ABCC4: variants seen among roughly 807,000 people sequenced by gnomAD.
ABCC4 encodes ATP-binding cassette sub-family C member 4.
ABCC4 carries 102 observed loss-of-function variants against 168.5 expected under a neutral mutation model. The ratio of observed to expected loss-of-function variants is 0.61; its 90% CI spans 0.52 to 0.71. The LOEUF (loss-of-function observed/expected upper bound fraction) is 0.71. Among genes scored for constraint, ABCC4 ranks in the 30% least tolerant of loss-of-function variants. The pLI, the probability that ABCC4 is intolerant of heterozygous loss-of-function variation, is 0.00. For missense variants in ABCC4, 1,402 were observed against 1,605.8 expected, an observed-to-expected ratio of 0.87 and a Z score of 2.17; for synonymous variants, 617 against 590.7, an observed-to-expected ratio of 1.04 and a Z score of -0.65.
intron 19 of ABCC4, among the ~76,000 whole-genome samples, chr13:95,134,368 G>C (rs1225274283): frequency 6.6e-6 from 1 of 152,182 alleles, no homozygotes; most frequent in Non-Finnish European, 1.5e-5. Flanking sequence ...AAGTGGAGAA[G>C]GGCGAGTCTT....
At chr13:95,173,095 C>G (rs2037536392) in intron 13 of ABCC4, among the ~76,000 whole-genome samples, 1 of 146,528 alleles carries the variant, frequency 6.8e-6, no homozygotes, top group African/African-American at 2.5e-5. Flanking sequence ...TAGGGACACT[C>G]ACTACACAAA....
chr13:95,097,106 G>C (rs1378687881), intron 20 of ABCC4, among the ~76,000 whole-genome samples: 1 of 151,920 alleles, frequency 6.6e-6, no homozygotes, highest in Non-Finnish European at 1.5e-5. Context: ...TTGCAAATTT[G>C]GTAGGAAATT....
intron 20 of ABCC4, among the ~76,000 whole-genome samples, chr13:95,103,873 G>T (rs1426597099): frequency 6.6e-6 from 1 of 152,018 alleles, no homozygotes. Flanking sequence ...CAAACCTCCT[G>T]ATGCAGCTAT....
rs138944003 is a variant in ABCC4, at chr13:95,154,604, C to T, written c.2455+6585G>A. Among the ~76,000 whole-genome samples the T allele has an allele frequency of 1.1e-4, 16 of 152,274 alleles. No individual in the cohort carries two copies. In the East Asian group the frequency reaches 1.9e-3, roughly 18 times the overall value. ...ATGACACTGAGGAAATATTTTAGCA[C>T]GAAGCTTTGCCTTGTAAATTGTCTG... is the stretch of plus-strand genomic sequence containing the variant. On this transcript the variant is annotated intron_variant, in intron 19 of 30. Coordinates refer to ENST00000645237, the MANE Select transcript of ABCC4 (RefSeq NM_005845.5).
chr13:95,138,544 C>A (rs1199955478), intron 19 of ABCC4, among the ~76,000 whole-genome samples: 2 of 152,102 alleles, frequency 1.3e-5, no homozygotes, highest in Non-Finnish European at 2.9e-5. Context: ...AACAAACAGG[C>A]CAGGCACGAT....
At chr13:95,095,627 A>C (rs1056523076) in intron 20 of ABCC4, 2 of 152,166 alleles carry the variant, frequency 1.3e-5, no homozygotes, top group African/African-American at 4.8e-5. Context: ...AAATCTCTCA[A>C]ATCACCACTA....
chr13:95,057,569 T>A (rs16950526), intron 26 of ABCC4, among the ~76,000 whole-genome samples: 3,504 of 152,266 alleles, frequency 0.023, 119 homozygotes, highest in African/African-American at 0.078. Context: ...ACTCCAGGAC[T>A]GGCCCCTGAC....
chr13:95,267,707 T>G (rs1269195831), intron 1 of ABCC4, among the ~76,000 whole-genome samples: 1 of 152,192 alleles, frequency 6.6e-6, no homozygotes. Context: ...TGGTCCCTGA[T>G]GGTTTACACT....
chr13:95,188,690 T>C, intron 9 of ABCC4, 148 bp from the exon 10 acceptor site: 1 of 686,102 alleles, frequency 1.5e-6, no homozygotes. Flanking sequence ...TATCCTAGAG[T>C]CCTTTTCATA....
At chr13:95,050,824 A>C (rs2032799190) in intron 27 of ABCC4, among the ~76,000 whole-genome samples, 1 of 152,234 alleles carries the variant, frequency 6.6e-6, no homozygotes, top group Non-Finnish European at 1.5e-5. Flanking sequence ...TTTTGATAGG[A>C]TCATCTCCCA....
chr13:95,115,862 C>A, intron 20 of ABCC4, 60 bp downstream of exon 20: 2 of 1,461,320 alleles, frequency 1.4e-6, no homozygotes, highest in Non-Finnish European at 1.9e-6. Context: ...ATGAAAAGGG[C>A]TTGAAAAAAT....
chr13:95,289,956 C>T (rs1339864623), intron 1 of ABCC4, among the ~76,000 whole-genome samples: 2 of 151,962 alleles, frequency 1.3e-5, no homozygotes, highest in Non-Finnish European at 2.9e-5. Context: ...ATTAGCCAGG[C>T]ATGGTAGCGC....
chr13:95,211,305 C>G (rs964908563), intron 4 of ABCC4, among the ~76,000 whole-genome samples: 2 of 152,150 alleles, frequency 1.3e-5, no homozygotes, highest in Non-Finnish European at 2.9e-5. Flanking sequence ...CCAGCAGATA[C>G]AGTGACACAG....
intron 1 of ABCC4, among the ~76,000 whole-genome samples, chr13:95,263,147 T>C (rs1424777930): frequency 6.6e-6 from 1 of 152,118 alleles, no homozygotes; most frequent in Non-Finnish European, 1.5e-5. Flanking sequence ...TTACAGAAGC[T>C]TCCTTCAGGC....
intron 11 of ABCC4, among the ~76,000 whole-genome samples, chr13:95,181,349 C>A (rs1359918033): frequency 1.3e-5 from 2 of 152,230 alleles, no homozygotes; most frequent in African/African-American, 4.8e-5. Flanking sequence ...GCAGGGCTCT[C>A]CAGCTTTGGG....
chr13:95,024,206 CAA>C (rs71207428), intron 30 of ABCC4, among the ~76,000 whole-genome samples: 1,090 of 43,862 alleles, frequency 0.025, 7 homozygotes, highest in African/African-American at 0.071. Context: ...GAGACTGTCT[CAA>C]AAAAAAAAAA....
At chr13:95,115,673 C>A (rs560507029) in intron 20 of ABCC4, among the ~76,000 whole-genome samples, 1 of 152,144 alleles carries the variant, frequency 6.6e-6, no homozygotes, top group Non-Finnish European at 1.5e-5. Flanking sequence ...GAGCCACTTA[C>A]CAAGCACGAA....
At chr13:95,193,350 C>T (rs777690526) in intron 9 of ABCC4, among the ~76,000 whole-genome samples, 12 of 152,176 alleles carry the variant, frequency 7.9e-5, no homozygotes, top group African/African-American at 1.9e-4. Context: ...GCAGCCTGAG[C>T]TGTTCCAGTA....
At chr13:95,195,132 C>G (rs887110742) in intron 8 of ABCC4, among the ~76,000 whole-genome samples, 195 bp from the exon 9 acceptor site, 2 of 152,094 alleles carry the variant, frequency 1.3e-5, no homozygotes, top group Admixed American at 1.3e-4. Flanking sequence ...GAGTTCATGG[C>G]CATGAACTAT....
Sources: allele counts gnomAD v4.1 joint callset (sites outside exome capture counted in the v4.1 genomes callset), GRCh38; gene constraint gnomAD v4.1.1; transcripts MANE v1.5; gene names NCBI Gene and HGNC (gene_info 2026-07-23, HGNC 2026-07-21).